The following TUSC3 variants were observed in gnomAD, a reference collection of about 807,000 sequenced individuals.
TUSC3 encodes dolichyl-diphosphooligosaccharide--protein glycosyltransferase subunit TUSC3.
A neutral mutation model predicts 44.8 loss-of-function variants in TUSC3; 45 were observed. The observed-to-expected ratio is 1.00, with a 90% CI of 0.79 to 1.29. The LOEUF (loss-of-function observed/expected upper bound fraction) is 1.29, where lower values mean the gene tolerates loss of function less well. TUSC3 is among the 50% of genes most tolerant of loss of function. The pLI, the probability that TUSC3 is intolerant of heterozygous loss-of-function variation, is 0.00. For synonymous variants in TUSC3, 212 were observed against 152.9 expected (o/e 1.39, Z -2.85); for missense variants, 519 against 437.9 (o/e 1.19, Z -1.65).
the TUSC3 span, among the ~76,000 whole-genome samples, chr8:15,776,396 CTA>C: frequency 2.6e-5 from 4 of 151,990 alleles, no homozygotes; most frequent in African/African-American, 7.2e-5. Context: ...GGAGAGAAGG[CTA>C]TTGCTTGATA....
chr8:15,469,050 A>T lies in TUSC3; in HGVS notation n.92-14336A>T, dbSNP rs545225208. 4.6e-5 allele frequency among the ~76,000 whole-genome samples: 7 copies of T among 152,322 alleles called. No individual in the cohort carries two copies. In the South Asian group the frequency reaches 1.2e-3, roughly 27 times the overall value. On this transcript the variant is annotated intron_variant and non_coding_transcript_variant, in intron 1 of 5. Coordinates refer to the TUSC3 transcript ENST00000503191. ...CTCAGAACGCAGAGGGGAAAGTCAG[A>T]ATAAAAACGAGAAGGCTGGTAATAA...
chr8:15,504,142 G>A (rs1801013265), intron 2 of TUSC3, among the ~76,000 whole-genome samples: 1 of 152,090 alleles, frequency 6.6e-6, no homozygotes, highest in South Asian at 2.1e-4. Context: ...GAATACAATA[G>A]GGTAGAGGTT....
intron 2 of TUSC3, among the ~76,000 whole-genome samples, chr8:15,524,958 G>T (rs971276791): frequency 2.6e-5 from 4 of 152,238 alleles, no homozygotes; most frequent in African/African-American, 9.6e-5. Flanking sequence ...GGGGCCTCTG[G>T]CCTCTGCTCA....
At chr8:15,815,992 CAGA>C in the TUSC3 span, among the ~76,000 whole-genome samples, 1 of 152,030 alleles carries the variant, frequency 6.6e-6, no homozygotes, top group Non-Finnish European at 1.5e-5. Flanking sequence ...GCAGGGTTGT[CAGA>C]AGAAGGAGGA....
At chr8:15,432,163 G>A (rs532779707) in intron 1 of TUSC3, among the ~76,000 whole-genome samples, 19 of 152,082 alleles carry the variant, frequency 1.2e-4, no homozygotes, top group Middle Eastern at 3.4e-3. Context: ...TCAATCATCT[G>A]GAAGAGTTGA....
intron 1 of TUSC3, among the ~76,000 whole-genome samples, chr8:15,473,532 G>A (rs545059495): frequency 6.6e-5 from 10 of 152,306 alleles, no homozygotes; most frequent in Non-Finnish European, 1.3e-4. Context: ...CTATTTCAAC[G>A]TAGGTTCTAT....
intron 1 of TUSC3, among the ~76,000 whole-genome samples, chr8:15,438,336 T>A (rs1224779115): frequency 6.6e-6 from 1 of 152,116 alleles, no homozygotes; most frequent in East Asian, 1.9e-4. Flanking sequence ...CCTCAGGTGG[T>A]CCGCCTGCCT....
intron 2 of TUSC3, among the ~76,000 whole-genome samples, chr8:15,509,357 C>T (rs57985947): frequency 1.3e-5 from 2 of 152,222 alleles, no homozygotes; most frequent in Admixed American, 6.5e-5. Context: ...GCCTGTAATC[C>T]GAACGCTTTG....
intron 1 of TUSC3, among the ~76,000 whole-genome samples, chr8:15,544,312 A>G (rs1223001287): frequency 1.4e-5 from 2 of 146,476 alleles, no homozygotes; most frequent in African/African-American, 4.9e-5. Context: ...ATTTATAATG[A>G]CCTCTTCTGA....
At chr8:15,679,142 G>C (rs1463566677) in intron 6 of TUSC3, among the ~76,000 whole-genome samples, 3 of 152,142 alleles carry the variant, frequency 2.0e-5, no homozygotes, top group Non-Finnish European at 4.4e-5. Flanking sequence ...TTGCTAGGTA[G>C]AATGGCAGTT....
chr8:15,547,722 A>T (rs377020886), intron 1 of TUSC3, among the ~76,000 whole-genome samples: 1 of 151,322 alleles, frequency 6.6e-6, no homozygotes, highest in East Asian at 2.0e-4. Flanking sequence ...CATGAATTAG[A>T]TTAGTGCCCT....
intron 6 of TUSC3, among the ~76,000 whole-genome samples, chr8:15,716,711 CGAAAAA>C (rs1810075297): frequency 6.6e-6 from 1 of 151,654 alleles, no homozygotes; most frequent in South Asian, 2.1e-4. Context: ...AACTGCTTAC[CGAAAAA>C]GAAAATCATT....
chr8:15,700,279 C>G (rs1360025565), intron 6 of TUSC3, among the ~76,000 whole-genome samples: 1 of 152,146 alleles, frequency 6.6e-6, no homozygotes, highest in Non-Finnish European at 1.5e-5. Context: ...CTACGGTATG[C>G]TTTTCCCTCT....
At chr8:15,508,849 T>C (rs1353298892) in intron 2 of TUSC3, among the ~76,000 whole-genome samples, 2 of 152,230 alleles carry the variant, frequency 1.3e-5, no homozygotes, top group Admixed American at 6.5e-5. Flanking sequence ...ACTCTGCTAC[T>C]CACTCTGTCA....
chr8:15,795,732 G>A, the TUSC3 span, among the ~76,000 whole-genome samples: 1 of 152,194 alleles, frequency 6.6e-6, no homozygotes, highest in Non-Finnish European at 1.5e-5. Context: ...TCAGTTTTTG[G>A]GCAAAAGTCC....
chr8:15,839,105 C>A, the TUSC3 span, among the ~76,000 whole-genome samples: 390 of 152,098 alleles, frequency 2.6e-3, no homozygotes, highest in African/African-American at 5.9e-3. Context: ...TAGGTATTTT[C>A]TTCTCTTTGA....
intron 6 of TUSC3, among the ~76,000 whole-genome samples, chr8:15,712,159 T>A (rs941295536): frequency 7.2e-5 from 11 of 152,108 alleles, no homozygotes; most frequent in Non-Finnish European, 1.2e-4. Flanking sequence ...AAATAAGTAA[T>A]AGCTTATTTG....
chr8:15,841,564 C>G, the TUSC3 span, among the ~76,000 whole-genome samples: 2 of 151,816 alleles, frequency 1.3e-5, no homozygotes, highest in Admixed American at 6.6e-5. Context: ...CCCAGGCTAG[C>G]GTGCAGTGGC....
At chr8:15,825,603 G>A in the TUSC3 span, among the ~76,000 whole-genome samples, 1 of 152,084 alleles carries the variant, frequency 6.6e-6, no homozygotes, top group Admixed American at 6.6e-5. Context: ...GAGATACTCA[G>A]GCTAAGACTC....
Sources: allele counts gnomAD v4.1 joint callset (sites outside exome capture counted in the v4.1 genomes callset), GRCh38; gene constraint gnomAD v4.1.1; transcripts MANE v1.5; gene names NCBI Gene and HGNC (gene_info 2026-07-23, HGNC 2026-07-21).